IFT43: variants seen among roughly 807,000 people sequenced by gnomAD.
The protein encoded by IFT43 is intraflagellar transport 43.
A neutral mutation model predicts 32.3 loss-of-function variants in IFT43; 33 were observed. The ratio of observed to expected loss-of-function variants is 1.02; its 90% CI spans 0.77 to 1.37. The LOEUF is 1.37. IFT43 is among the 40% of genes most tolerant of loss of function. The pLI, the probability that IFT43 is intolerant of heterozygous loss-of-function variation, is 0.00. For synonymous variants in IFT43, 93 were observed against 98.2 expected, an observed-to-expected ratio of 0.95 and a Z score of 0.31; for missense variants, 274 against 265.9, an observed-to-expected ratio of 1.03 and a Z score of -0.21.
intron 3 of IFT43, chr14:76,058,390 T>A: frequency 2.3e-6 from 1 of 436,470 alleles, no homozygotes; most frequent in Non-Finnish European, 4.2e-6. Context: ...TTTAAGCCAC[T>A]CGCTCAACCT....
chr14:76,055,636 A>C (rs2036998929), intron 3 of IFT43, among the ~76,000 whole-genome samples: 1 of 152,220 alleles, frequency 6.6e-6, no homozygotes. Context: ...TTGTCACTGC[A>C]CTAGCCTGAG....
At chr14:76,001,820 G>A (rs1469630650) in intron 2 of IFT43, among the ~76,000 whole-genome samples, 1 of 152,218 alleles carries the variant, frequency 6.6e-6, no homozygotes, top group Non-Finnish European at 1.5e-5. Flanking sequence ...GAAGGTGGAA[G>A]GGCAAGAGGG....
intron 5 of IFT43, among the ~76,000 whole-genome samples, chr14:76,073,884 A>G (rs1008093406): frequency 2.0e-5 from 3 of 152,008 alleles, no homozygotes; most frequent in Admixed American, 6.6e-5. Flanking sequence ...CTCATCTGAT[A>G]AGAGAGCGAG....
chr14:76,040,530 G>A (rs1323932415), intron 3 of IFT43, among the ~76,000 whole-genome samples: 1 of 152,182 alleles, frequency 6.6e-6, no homozygotes, highest in Non-Finnish European at 1.5e-5. Flanking sequence ...TACTTGGGTT[G>A]ATATAGTGAC....
At chr14:76,058,529 A>G in intron 3 of IFT43, 113 bp from the exon 4 acceptor site, 1 of 1,252,822 alleles carries the variant, frequency 8.0e-7, no homozygotes, top group Non-Finnish European at 1.1e-6. Flanking sequence ...AGACAAATAA[A>G]GCACTTGAGA....
At position 76,059,332 on chromosome 14, in the gene IFT43, G is replaced by A. The variant is rs2302858; in HGVS notation, c.254G>A (p.Arg85His). The change falls in exon 5 of 9, where the codon CGC (arginine) becomes CAC (histidine). Residue 85 changes from arginine to histidine, a missense_variant. By Grantham distance (29) the Arg-to-His change is conservative (BLOSUM62 0). Coordinates refer to ENST00000314067, the MANE Select transcript of IFT43 (RefSeq NM_001102564.3). ...TTCTTCTTTTTTGGGGGCAGTTTCC[G>A]CCTCAGACCACAGAGCCTGAATGGA... Reference protein sequence around the residue: ...RKASEEIEDFRLRPQSLNGSD... With the variant: ...RKASEEIEDFHLRPQSLNGSD... The A allele has an allele frequency of 3.6e-4, 582 of 1,613,958 alleles. 4 individuals are homozygous for A. The East Asian group carries it at 9.7e-3, about 27-fold the overall frequency.
At chr14:76,005,769 A>C (rs1323540766) in intron 2 of IFT43, among the ~76,000 whole-genome samples, 4 of 152,126 alleles carry the variant, frequency 2.6e-5, no homozygotes, top group Non-Finnish European at 5.9e-5. Context: ...GATTTTTACC[A>C]ATCCAGTTCT....
chr14:75,986,180 C>A (rs1308272036), intron 1 of IFT43: 1 of 1,328,200 alleles, frequency 7.5e-7, no homozygotes, highest in South Asian at 1.2e-5. Context: ...ATAGGGGAGC[C>A]CCGGCCGGGG....
intron 1 of IFT43, 89 bp from the exon 2 acceptor site, chr14:75,988,796 C>T: frequency 6.2e-7 from 1 of 1,600,636 alleles, no homozygotes. Flanking sequence ...GGGATTGCAG[C>T]TGTGAGCCAC....
chr14:76,081,235 C>A (rs968511213), intron 5 of IFT43, among the ~76,000 whole-genome samples: 1 of 152,170 alleles, frequency 6.6e-6, no homozygotes, highest in Non-Finnish European at 1.5e-5. Flanking sequence ...ATGATTTGCA[C>A]CTCTTTGAAA....
At chr14:75,999,281 A>ATATATATTTTTTTTTTTTTT (rs1566699821) in intron 2 of IFT43, among the ~76,000 whole-genome samples, 1 of 39,064 alleles carries the variant, frequency 2.6e-5, no homozygotes, top group Non-Finnish European at 4.6e-5. Flanking sequence ...ATGTATATAT[A>ATATATATTTTTTTTTTTTTT]TTTTTTTTTT....
rs149201257 is a variant in IFT43 at position 76,075,680 on chromosome 14, A to G, written c.296-6615A>G. Among the ~76,000 whole-genome samples, 11 of 152,356 alleles carry G rather than the reference A, an allele frequency of 7.2e-5. No individual in the cohort carries two copies. The East Asian group carries it at 2.1e-3, about 29-fold the overall frequency. On this transcript the variant is annotated intron_variant, in intron 5 of 8. Coordinates refer to ENST00000314067, the MANE Select transcript of IFT43 (RefSeq NM_001102564.3). ...AGGGGACATAGTGTCGCAGCAGCTCATGAATATGAAACGCCCATGATGCCA... is the reference window on the plus strand; with the variant it reads ...AGGGGACATAGTGTCGCAGCAGCTCGTGAATATGAAACGCCCATGATGCCA...
intron 5 of IFT43, among the ~76,000 whole-genome samples, chr14:76,067,586 A>AAAG (rs1566733385): frequency 6.6e-6 from 1 of 152,000 alleles, no homozygotes; most frequent in Non-Finnish European, 1.5e-5. Flanking sequence ...TCTCAAAAAA[A>AAAG]AAAAAAGAGA....
At chr14:76,083,316 T>G (rs1594872020) in intron 8 of IFT43, 27 bp downstream of exon 8, 2 of 1,609,716 alleles carry the variant, frequency 1.2e-6, no homozygotes, top group Non-Finnish European at 1.7e-6. Flanking sequence ...AATTCCCCGG[T>G]CTCTCAGCTC....
intron 2 of IFT43, among the ~76,000 whole-genome samples, chr14:76,021,011 C>T (rs116258178): frequency 0.014 from 2,122 of 152,170 alleles, 55 homozygotes; most frequent in African/African-American, 0.044. Flanking sequence ...TTCCCAGGCT[C>T]GCAGACTATG....
chr14:76,036,220 G>A (rs1413823395), intron 3 of IFT43, among the ~76,000 whole-genome samples: 4 of 152,004 alleles, frequency 2.6e-5, no homozygotes, highest in Non-Finnish European at 4.4e-5. Flanking sequence ...TGATATCCAG[G>A]TCATATTGAG....
chr14:76,028,760 A>G (rs2036453379), intron 3 of IFT43, among the ~76,000 whole-genome samples: 1 of 152,178 alleles, frequency 6.6e-6, no homozygotes, highest in African/African-American at 2.4e-5. Flanking sequence ...GCCTCCAGCT[A>G]TATCCATATT....
intron 5 of IFT43, among the ~76,000 whole-genome samples, chr14:76,070,474 T>C (rs1269573219): frequency 2.0e-5 from 3 of 152,214 alleles, no homozygotes; most frequent in Admixed American, 1.3e-4. Context: ...TTTCGTTATG[T>C]TGGCATTGCT....
intron 3 of IFT43, among the ~76,000 whole-genome samples, chr14:76,037,588 A>G (rs1431930784): frequency 2.0e-5 from 3 of 152,060 alleles, no homozygotes; most frequent in Non-Finnish European, 4.4e-5. Context: ...TTTCAAACCT[A>G]TAGAAAAGTT....
Sources: allele counts gnomAD v4.1 joint callset (sites outside exome capture counted in the v4.1 genomes callset), GRCh38; gene constraint gnomAD v4.1.1; transcripts MANE v1.5; gene names NCBI Gene and HGNC (gene_info 2026-07-23, HGNC 2026-07-21).